The following SP3 variants were observed in gnomAD, a reference collection of about 807,000 sequenced individuals.
SP3 encodes transcription factor Sp3.
In SP3, 10 loss-of-function variants were observed where a neutral mutation model predicts 70.3. That is an observed-to-expected ratio of 0.14 (90% CI 0.09 to 0.24). SP3 has a LOEUF of 0.24. Ranked by LOEUF, SP3 falls within the 10% of genes least tolerant of loss-of-function variation. The probability of loss-of-function intolerance (pLI) is 1.00; values close to 1 mark genes in which losing one functional copy is unlikely to be tolerated. For missense variants in SP3, 825 were observed against 914.6 expected (o/e 0.90, Z 1.26); for synonymous variants, 402 against 333.5 (o/e 1.21, Z -2.24).
At chr2:173,932,564 C>T (rs550377308) in intron 4 of SP3, among the ~76,000 whole-genome samples, 67 of 152,092 alleles carry the variant, frequency 4.4e-4, no homozygotes, top group Non-Finnish European at 7.1e-4. Flanking sequence ...AACGGCTGGT[C>T]GTTGCAACAG....
At chr2:173,965,130 G>A (rs1263736329) in intron 1 of SP3, 35 bp downstream of exon 1, 7 of 1,547,332 alleles carry the variant, frequency 4.5e-6, no homozygotes, top group Non-Finnish European at 6.1e-6. Flanking sequence ...GGCGGCGGCG[G>A]CAGCAGCAAG....
chr2:173,910,433 C>G (rs1689446999), intron 6 of SP3, among the ~76,000 whole-genome samples, 176 bp from the exon 7 acceptor site: 3 of 152,122 alleles, frequency 2.0e-5, no homozygotes, highest in Admixed American at 2.0e-4. Flanking sequence ...CAGAATATTT[C>G]TCCTTAAATC....
chr2:173,964,093 C>T (rs1431890983), intron 2 of SP3: 1 of 353,854 alleles, frequency 2.8e-6, no homozygotes, highest in Non-Finnish European at 5.0e-6. Context: ...CCCCGGCTCC[C>T]CGGTCCGCGG....
chr2:173,917,123 A>G (rs1339062008), intron 5 of SP3, among the ~76,000 whole-genome samples: 3 of 152,116 alleles, frequency 2.0e-5, no homozygotes, highest in Non-Finnish European at 4.4e-5. Flanking sequence ...AGCATGTTTT[A>G]GTTTAATAAA....
Position 173,902,618 on chromosome 2 carries a change from T to C in SP3, c.*7323A>G, listed in dbSNP as rs978384476. The stretch of plus-strand genomic sequence containing the variant: ...GATACATTGTGATAAACTTATTCAA[T>C]GAACTACAGCATTTAAATGAATGAT... On this transcript the variant is annotated 3_prime_UTR_variant, in exon 7 of 7. Transcript: ENST00000310015. 3.9e-5 allele frequency among the ~76,000 whole-genome samples: 6 copies of C among 152,212 alleles called. No individual in the cohort carries two copies. Among genetic ancestry groups the C allele is most frequent in the Admixed American group, 3.3e-4 (5 of 15,278 alleles).
intron 4 of SP3, 59 bp downstream of exon 4, chr2:173,954,814 A>T: frequency 6.7e-7 from 1 of 1,494,172 alleles, no homozygotes; most frequent in Non-Finnish European, 9.1e-7. Context: ...AAAGCAAAAA[A>T]TTTCCCTCTA....
Position 173,964,684 on chromosome 2 carries a change from C to CCGGCGGCGG in SP3, c.8-140_8-132dup, listed in dbSNP as rs1174348131. The CCGGCGGCGG allele has an allele frequency of 8.8e-4, 333 of 378,568 alleles. 2 individuals are homozygous for CCGGCGGCGG. The highest frequency in any genetic ancestry group is 4.3e-3 in the African/African-American group (162 of 37,820). 23.5% of individuals were successfully genotyped at this position (378,568 alleles called of 1,614,324 possible). On this transcript the variant is annotated intron_variant, in intron 1 of 6. Transcript: ENST00000310015. The stretch of plus-strand genomic sequence containing the variant: ...CCCCTTCCCCTCCCCCACCCGCCCC[C>CCGGCGGCGG]CGGCGGCGGCGGCGGCGGCGGCTCC...
chr2:173,963,812 G>A lies in SP3; in HGVS notation c.228C>T (p.Asp76=), dbSNP rs1285141970. 1 of 1,461,610 alleles carries A rather than the reference G, an allele frequency of 6.8e-7. No individual in the cohort carries two copies. Among genetic ancestry groups the A allele is most frequent in the Non-Finnish European group, 9.1e-7 (1 of 1,096,958 alleles). 90.5% of individuals were successfully genotyped at this position (1,461,610 alleles called of 1,614,324 possible). A position where few individuals can be genotyped will look rare whatever the true frequency, so the allele number is the denominator to read the frequency against. Residue 76 remains aspartate, a synonymous_variant, in exon 3 of 7, where the codon GAC becomes GAT. Coordinates refer to ENST00000310015, the MANE Select transcript of SP3 (RefSeq NM_003111.5). ...CTGCGGCGGCCGCCTCCTCCTCGTC[G>A]TCGCCCGGCGATGGCGGCCCTATCT... is the stretch of plus-strand genomic sequence containing the variant. ...CSKIGPPSPG[D]DEEEAAAAAG... is the part of the protein sequence containing the mutation.
Position 173,905,186 on chromosome 2 carries a change from C to CA in SP3, c.*4754dup, listed in dbSNP as rs1445373633. Among the ~76,000 whole-genome samples, 18 of 152,176 alleles carry CA rather than the reference C, an allele frequency of 1.2e-4. No homozygotes were observed. The highest frequency in any genetic ancestry group is 1.2e-3 in the Admixed American group (18 of 15,284). On this transcript the variant is annotated 3_prime_UTR_variant, in exon 7 of 7. Transcript: ENST00000310015. The stretch of plus-strand genomic sequence containing the variant: ...AGACTTCTTCTCATTTTGGAAAAAT[C>CA]AATGTATGAACCATAGTCAAACAAT...
intron 4 of SP3, among the ~76,000 whole-genome samples, chr2:173,926,510 C>T (rs1426340065): frequency 6.6e-6 from 1 of 152,020 alleles, no homozygotes; most frequent in Non-Finnish European, 1.5e-5. Flanking sequence ...CTGTAGAACG[C>T]ACCAGAGGCT....
In SP3 at chr2:173,955,863, A is replaced by G. The variant is rs1366098515; in HGVS notation, c.649T>C (p.Ser217Pro). ...TGGATGTTAGCAGAAGGTGTTCCAG[A>G]GGCAAGTAAGGTTTGATTAGAGCCA... ...IPGSNQTLLA[S>P]GTPSANIQNL... Residue 217 changes from serine to proline, a missense_variant, in exon 4 of 7, where the codon TCT (serine) becomes CCT (proline). This residue lies in a region of SP3 where 678 missense variants were observed against 651.6 expected (regional missense o/e 1.04). Transcript: ENST00000310015. The G allele has an allele frequency of 3.1e-6, 5 of 1,614,138 alleles. No individual in the cohort carries two copies. The highest frequency in any genetic ancestry group is 4.2e-6 in the Non-Finnish European group (5 of 1,180,046).
intron 4 of SP3, among the ~76,000 whole-genome samples, chr2:173,923,136 A>G (rs1369673858): frequency 6.6e-6 from 1 of 152,120 alleles, no homozygotes; most frequent in East Asian, 1.9e-4. Flanking sequence ...AGAACTTTAT[A>G]AACAGCACTG....
intron 4 of SP3, among the ~76,000 whole-genome samples, chr2:173,930,706 A>G (rs1329995412): frequency 1.3e-5 from 2 of 152,198 alleles, no homozygotes; most frequent in African/African-American, 4.8e-5. Context: ...CTAGCATCTA[A>G]CATCAGTTTC....
At chr2:173,964,909 CAG>C (rs572708566) in intron 1 of SP3, 84 of 519,182 alleles carry the variant, frequency 1.6e-4, no homozygotes, top group African/African-American at 7.2e-4. Flanking sequence ...CGCCCGCACA[CAG>C]GGGGATGCGC....
chr2:173,916,921 A>G (rs1689631327), intron 5 of SP3: 1 of 152,248 alleles, frequency 6.6e-6, no homozygotes, highest in Non-Finnish European at 1.5e-5. Context: ...GATTCAGACT[A>G]TATAGACTTG....
At chr2:173,963,657 CG>C in intron 3 of SP3, 103 bp downstream of exon 3, 1 of 256,462 alleles carries the variant, frequency 3.9e-6, no homozygotes, top group Non-Finnish European at 6.2e-6. Flanking sequence ...CCGTGCGGGT[CG>C]GGGGAAGCGC....
intron 4 of SP3, among the ~76,000 whole-genome samples, chr2:173,940,495 G>C (rs571863795): frequency 2.4e-4 from 37 of 152,260 alleles, no homozygotes; most frequent in Admixed American, 9.8e-4. Flanking sequence ...GGGGGTGCAA[G>C]ACCCCTGGTC....
intron 4 of SP3, 90 bp from the exon 5 acceptor site, chr2:173,918,875 C>T: frequency 1.7e-6 from 2 of 1,160,408 alleles, no homozygotes; most frequent in Non-Finnish European, 2.4e-6. Context: ...CCCAATGTTA[C>T]AACTTTGCAT....
upstream of SP3, chr2:173,965,419 C>T (rs1188472888): frequency 1.8e-6 from 1 of 543,632 alleles, no homozygotes. Context: ...TCATTCGCCG[C>T]CGTGCTCTTT....
Sources: gnomAD v4.1 joint callset for allele counts (sites outside exome capture counted in the v4.1 genomes callset) on GRCh38, gnomAD v4.1.1 for gene constraint, gnomAD v4.1.1 regional missense constraint, MANE v1.5 for transcripts, NCBI Gene and HGNC (gene_info 2026-07-23, HGNC 2026-07-21) for gene names.